RABGAP1L: variants seen among roughly 807,000 people sequenced by gnomAD.
The protein encoded by RABGAP1L is RAB GTPase activating protein 1 like.
In RABGAP1L, 63 loss-of-function variants were observed where a neutral mutation model predicts 137.7. The ratio of observed to expected loss-of-function variants is 0.46; its 90% confidence interval spans 0.37 to 0.56. The LOEUF is 0.56. RABGAP1L is among the 20% of genes least tolerant of loss of function. The probability of loss-of-function intolerance (pLI) is 0.00; values close to 1 mark genes in which losing one functional copy is unlikely to be tolerated. For missense variants in RABGAP1L, 1,095 were observed against 1,244.0 expected (o/e 0.88, Z 1.80); for synonymous variants, 431 against 433.7 (o/e 0.99, Z 0.08).
In RABGAP1L at chr1:174,227,752, T is replaced by C. The variant is rs188744152; in HGVS notation, c.332-3393T>C. On this transcript the variant is annotated intron_variant, in intron 3 of 25. Coordinates refer to ENST00000681986, the MANE Select transcript of RABGAP1L (RefSeq NM_001366446.1). ...ACATTCTAATAATGTCATAACACTT[T>C]ATGTACATTGTAAGGATCTTTTGTT... 6.7e-3 allele frequency among the ~76,000 whole-genome samples: 1,020 copies of C among 152,304 alleles called. 13 individuals carry two copies. Among genetic ancestry groups the C allele is most frequent in the African/African-American group, 0.023 (959 of 41,568 alleles).
intron 13 of RABGAP1L, among the ~76,000 whole-genome samples, chr1:174,502,677 CAT>C (rs1259626859): frequency 2.8e-5 from 4 of 141,546 alleles, no homozygotes; most frequent in Admixed American, 7.2e-5. Flanking sequence ...TGTATATATA[CAT>C]ATATGTGTGT....
chr1:174,467,672 A>G (rs1463310374), intron 13 of RABGAP1L, among the ~76,000 whole-genome samples: 1 of 152,132 alleles, frequency 6.6e-6, no homozygotes, highest in African/African-American at 2.4e-5. Context: ...TAGGTGAGAA[A>G]ATTGAGCATC....
intron 13 of RABGAP1L, among the ~76,000 whole-genome samples, chr1:174,399,384 G>C (rs551970162): frequency 6.6e-6 from 1 of 152,104 alleles, no homozygotes; most frequent in Non-Finnish European, 1.5e-5. Flanking sequence ...TTTGGCACTT[G>C]TTGGTCATGG....
intron 21 of RABGAP1L, among the ~76,000 whole-genome samples, chr1:174,970,510 G>A (rs1574042994): frequency 6.6e-6 from 1 of 152,272 alleles, no homozygotes; most frequent in East Asian, 1.9e-4. Context: ...AATGTAGTTG[G>A]TAATATGTGT....
intron 18 of RABGAP1L, chr1:174,799,817 G>A (rs761429743): frequency 2.0e-6 from 2 of 997,976 alleles, no homozygotes; most frequent in Non-Finnish European, 2.4e-6. Flanking sequence ...GTCACGAATC[G>A]AGGATTGCAA....
At chr1:174,895,346 CAAAT>C (rs1228971223) in intron 19 of RABGAP1L, among the ~76,000 whole-genome samples, 1 of 148,994 alleles carries the variant, frequency 6.7e-6, no homozygotes, top group African/African-American at 2.5e-5. Context: ...AAGGGGCAAA[CAAAT>C]AAAAATAATT....
chr1:174,209,875 C>T (rs1668755783), intron 1 of RABGAP1L, among the ~76,000 whole-genome samples: 1 of 152,212 alleles, frequency 6.6e-6, no homozygotes, highest in Admixed American at 6.6e-5. Flanking sequence ...ACTCTATCCT[C>T]AGCCCCAGGT....
At chr1:174,840,010 G>A (rs1272073222) in intron 19 of RABGAP1L, among the ~76,000 whole-genome samples, 2 of 152,226 alleles carry the variant, frequency 1.3e-5, no homozygotes, top group African/African-American at 4.8e-5. Flanking sequence ...GCATAATGTT[G>A]GTCATCAGAA....
chr1:174,170,064 GA>G (rs1215294165), intron 1 of RABGAP1L, among the ~76,000 whole-genome samples: 5 of 152,058 alleles, frequency 3.3e-5, no homozygotes, highest in African/African-American at 9.7e-5. Context: ...TCCAAGGGTG[GA>G]AAAAAATACT....
At chr1:174,781,890 AT>A (rs2148766387) in intron 18 of RABGAP1L, among the ~76,000 whole-genome samples, 1 of 152,058 alleles carries the variant, frequency 6.6e-6, no homozygotes, top group East Asian at 1.9e-4. Context: ...GTGTGGTCTT[AT>A]TTCTAAGGGC....
intron 15 of RABGAP1L, among the ~76,000 whole-genome samples, chr1:174,690,856 A>C (rs1242417314): frequency 7.6e-6 from 1 of 131,822 alleles, no homozygotes. Flanking sequence ...TTTTTGAGAC[A>C]TGGTCTCGCT....
chr1:174,408,581 A>G (rs10798310), intron 13 of RABGAP1L, among the ~76,000 whole-genome samples: 53,537 of 152,036 alleles, frequency 0.35, 12,079 homozygotes, highest in African/African-American at 0.64. Flanking sequence ...TATATACCCA[A>G]TAGTAGGATT....
chr1:174,699,619 G>T lies in RABGAP1L; in HGVS notation c.1994G>T (p.Cys665Phe). 1 of 1,608,674 alleles carries T rather than the reference G, an allele frequency of 6.2e-7. No individual in the cohort carries two copies. The highest frequency in any genetic ancestry group is 2.2e-5 in the East Asian group (1 of 44,816). The change falls in exon 16 of 26, where the codon TGC becomes TTC. Residue 665 changes from cysteine (C) to phenylalanine (F), a missense_variant. Physicochemically the swap from Cys to Phe is radical, Grantham distance 205 (BLOSUM62 -2). Transcript: ENST00000681986. ...AGAAACAACTTCGAAGATCTTCATT[G>T]CAAATTCTACCAGTTGGAGAGACTA... ...LYRNNFEDLH[C>F]KFYQLERLMQ...
chr1:174,254,709 T>C (rs1672978478), intron 7 of RABGAP1L, among the ~76,000 whole-genome samples: 1 of 152,204 alleles, frequency 6.6e-6, no homozygotes, highest in African/African-American at 2.4e-5. Flanking sequence ...GGTGTATATG[T>C]GCCACATTTT....
At chr1:174,313,978 A>G (rs1475995832) in intron 11 of RABGAP1L, among the ~76,000 whole-genome samples, 11 of 151,814 alleles carry the variant, frequency 7.2e-5, no homozygotes, top group Non-Finnish European at 1.6e-4. Flanking sequence ...TTTTTTTGAT[A>G]TGCGTTTGTC....
At chr1:174,511,972 G>T (rs1483567219) in intron 13 of RABGAP1L, among the ~76,000 whole-genome samples, 1 of 151,988 alleles carries the variant, frequency 6.6e-6, no homozygotes, top group Non-Finnish European at 1.5e-5. Flanking sequence ...TGTTTTAGAT[G>T]ATTTTTTCCA....
intron 17 of RABGAP1L, among the ~76,000 whole-genome samples, chr1:174,721,512 T>C (rs1479376130): frequency 2.0e-5 from 3 of 152,214 alleles, no homozygotes; most frequent in Non-Finnish European, 2.9e-5. Context: ...CAAAGCCAAG[T>C]TGACAGAGAA....
intron 13 of RABGAP1L, among the ~76,000 whole-genome samples, chr1:174,611,307 T>C (rs1215038301): frequency 6.6e-6 from 1 of 151,726 alleles, no homozygotes; most frequent in Non-Finnish European, 1.5e-5. Context: ...ATTTATTAAA[T>C]AGGGAATCCT....
chr1:174,562,452 C>G (rs915889432), intron 13 of RABGAP1L, among the ~76,000 whole-genome samples: 1 of 152,140 alleles, frequency 6.6e-6, no homozygotes, highest in African/African-American at 2.4e-5. Flanking sequence ...TGTGGTGATT[C>G]CTCAAGGATC....
Sources: gnomAD v4.1 joint callset for allele counts (sites outside exome capture counted in the v4.1 genomes callset) on GRCh38, gnomAD v4.1.1 for gene constraint, MANE v1.5 for transcripts, NCBI Gene and HGNC (gene_info 2026-07-23, HGNC 2026-07-21) for gene names.